DSG2: variants seen among roughly 807,000 people sequenced by gnomAD.
DSG2 encodes the protein desmoglein 2.
In DSG2, 45 loss-of-function variants were observed where a neutral mutation model predicts 75.6. That is an observed-to-expected ratio of 0.60 (90% CI 0.47 to 0.76). The LOEUF (loss-of-function observed/expected upper bound fraction) is 0.76. Ranked by LOEUF, DSG2 falls within the 30% of genes least tolerant of loss-of-function variation. DSG2 has a pLI of 0.00. For synonymous variants in DSG2, 429 were observed against 483.9 expected, an observed-to-expected ratio of 0.89 and a Z score of 1.49; for missense variants, 1,267 against 1,357.4, an observed-to-expected ratio of 0.93 and a Z score of 1.05.
At chr18:31,501,331 T>C (rs2073012543) in intron 1 of DSG2, among the ~76,000 whole-genome samples, 1 of 152,226 alleles carries the variant, frequency 6.6e-6, no homozygotes, top group Non-Finnish European at 1.5e-5. Context: ...TGCTTTAAAA[T>C]CAAACTACAT....
chr18:31,545,271 G>A (rs1277565850), intron 14 of DSG2, among the ~76,000 whole-genome samples: 1 of 152,114 alleles, frequency 6.6e-6, no homozygotes, highest in Non-Finnish European at 1.5e-5. Flanking sequence ...TGCCACATTT[G>A]CTATTTGCTT....
intron 1 of DSG2, among the ~76,000 whole-genome samples, chr18:31,503,398 A>G (rs2073023682): frequency 6.6e-6 from 1 of 152,198 alleles, no homozygotes; most frequent in South Asian, 2.1e-4. Context: ...AGGTAGAGAG[A>G]AGAGCATCTA....
rs1277314098 is a variant in DSG2 at position 31,505,845 on chromosome 18, AG to A, written c.45+7550del. Among the ~76,000 whole-genome samples, 13 of 152,088 alleles carry A rather than the reference AG, an allele frequency of 8.5e-5. No homozygotes were observed. In the East Asian group the frequency reaches 1.5e-3, roughly 18 times the overall value. On this transcript the variant is annotated intron_variant, in intron 1 of 14. Coordinates refer to ENST00000261590, the MANE Select transcript of DSG2 (RefSeq NM_001943.5). ...CCCATCTAATTTTTGTATTTTTAGT[AG>A]AGACAGAGTTTCACCATGTTGGCCA... is the stretch of plus-strand genomic sequence containing the variant.
rs1300262799 is a variant in DSG2 at position 31,542,699 on chromosome 18, T to C, written c.2181T>C (p.Gly727=). ...AAGAACACAGAAGCCTGCTTTCTGGTAGAGCTACCCAGTTTACAGGGGCCA... is the reference window on the plus strand; with the variant it reads ...AAGAACACAGAAGCCTGCTTTCTGGCAGAGCTACCCAGTTTACAGGGGCCA... ...RWEEHRSLLS[G]RATQFTGATG... is the part of the protein sequence containing the mutation. The change falls in exon 14 of 15, where the codon GGT becomes GGC. Residue 727 remains glycine, a synonymous_variant. Transcript: ENST00000261590. 1 of 1,614,024 alleles carries C rather than the reference T, an allele frequency of 6.2e-7. No homozygotes were observed. The highest frequency in any genetic ancestry group is 1.3e-5 in the African/African-American group (1 of 74,910).
intron 1 of DSG2, among the ~76,000 whole-genome samples, chr18:31,500,036 TAAAAA>T (rs10625787): frequency 1.8e-5 from 2 of 110,994 alleles, no homozygotes; most frequent in African/African-American, 3.3e-5. Context: ...AGTTTTTTGG[TAAAAA>T]AAAAAAAAAA....
At chr18:31,499,981 G>T (rs2073005478) in intron 1 of DSG2, among the ~76,000 whole-genome samples, 1 of 147,178 alleles carries the variant, frequency 6.8e-6, no homozygotes, top group South Asian at 2.2e-4. Context: ...TGTCCAGAGA[G>T]TAGTGGGCAA....
At chr18:31,529,325 T>C (rs2073180898) in intron 8 of DSG2, among the ~76,000 whole-genome samples, 1 of 152,186 alleles carries the variant, frequency 6.6e-6, no homozygotes, top group South Asian at 2.1e-4. Context: ...CTAGCTTTTA[T>C]TTATTTATTT....
chr18:31,534,056 T>A (rs1377030367), intron 9 of DSG2, among the ~76,000 whole-genome samples: 4 of 149,986 alleles, frequency 2.7e-5, no homozygotes, highest in African/African-American at 7.4e-5. Context: ...AGTGGCACGA[T>A]CTCGGCTTAC....
chr18:31,516,141 G>T (rs2073093023), intron 1 of DSG2, among the ~76,000 whole-genome samples: 1 of 149,350 alleles, frequency 6.7e-6, no homozygotes, highest in Non-Finnish European at 1.5e-5. Context: ...GAGGGATCTG[G>T]TTTTTTTTTT....
rs727502985 is a variant in DSG2, at chr18:31,524,463, A to C, written c.706A>C (p.Thr236Pro). Residue 236 changes from threonine (T) to proline (P), a missense_variant, in exon 7 of 15, where the codon ACT (threonine) becomes CCT (proline). Coordinates refer to ENST00000261590, the MANE Select transcript of DSG2 (RefSeq NM_001943.5). ...TLDREEHSSY[T>P]LTVEARDGNG... ...TGCTCTGCAGGAACACAGCAGCTACACTTTGACAGTAGAAGCAAGAGATGG... is the reference window on the plus strand; with the variant it reads ...TGCTCTGCAGGAACACAGCAGCTACCCTTTGACAGTAGAAGCAAGAGATGG... 1.2e-6 allele frequency: 2 copies of C among 1,614,186 alleles called. No individual in the cohort carries two copies. The highest frequency in any genetic ancestry group is 2.2e-5 in the South Asian group (2 of 91,088).
chr18:31,531,753 A>T (rs1598816887), intron 9 of DSG2, among the ~76,000 whole-genome samples: 2 of 152,194 alleles, frequency 1.3e-5, no homozygotes, highest in South Asian at 4.1e-4. Flanking sequence ...TACACTGTTT[A>T]TGTTTGTCTT....
At chr18:31,518,300 GC>G in intron 2 of DSG2, 26 bp downstream of exon 2, 1 of 1,602,264 alleles carries the variant, frequency 6.2e-7, no homozygotes, top group Non-Finnish European at 8.6e-7. Context: ...GATTATTTCT[GC>G]CTTCTGACTC....
chr18:31,533,405 G>A (rs1281274886), intron 9 of DSG2, among the ~76,000 whole-genome samples: 1 of 152,188 alleles, frequency 6.6e-6, no homozygotes, highest in Non-Finnish European at 1.5e-5. Flanking sequence ...AAGCCTAGGA[G>A]TTCAAGGTTC....
At position 31,542,579 on chromosome 18, in the gene DSG2, A is replaced by G; in HGVS notation, c.2061A>G (p.Val687=). The G allele has an allele frequency of 3.1e-6, 5 of 1,614,144 alleles. No individual in the cohort carries two copies. The highest frequency in any genetic ancestry group is 4.2e-6 in the Non-Finnish European group (5 of 1,180,008). Residue 687 remains valine, a synonymous_variant, in exon 14 of 15, where the codon GTA becomes GTG. Transcript: ENST00000261590. ...GCAGTCTAGTAGGAAGAAATGGAGTAGGAGGTATGGCCAAGGAAGCCACGA... is the reference window on the plus strand; with the variant it reads ...GCAGTCTAGTAGGAAGAAATGGAGTGGGAGGTATGGCCAAGGAAGCCACGA... ...QGGSLVGRNG[V]GGMAKEATMK...
Position 31,546,548 on chromosome 18 carries a change from T to A in DSG2, c.3162T>A (p.Ala1054=). ...VTVTERVLAP[A]STLQSSYQIP... Reference sequence around the variant, plus strand: ...TGACAGAAAGAGTTCTAGCACCTGCTTCCACTCTGCAATCCAGTTACCAGA... The same window carrying A: ...TGACAGAAAGAGTTCTAGCACCTGCATCCACTCTGCAATCCAGTTACCAGA... Residue 1054 remains alanine (A), a synonymous_variant, in exon 15 of 15, where the codon GCT becomes GCA. Coordinates refer to ENST00000261590, the MANE Select transcript of DSG2 (RefSeq NM_001943.5). 6.2e-7 allele frequency: 1 copy of A among 1,614,172 alleles called. No individual in the cohort carries two copies. The highest frequency in any genetic ancestry group is 8.5e-7 in the Non-Finnish European group (1 of 1,180,014).
intron 8 of DSG2, 81 bp from the exon 9 acceptor site, chr18:31,530,906 A>G (rs2073192575): frequency 7.0e-7 from 1 of 1,419,070 alleles, no homozygotes; most frequent in Non-Finnish European, 9.8e-7. Context: ...ATCTAACATT[A>G]AAACCACACA....
intron 6 of DSG2, among the ~76,000 whole-genome samples, chr18:31,523,124 G>A (rs9951860): frequency 0.15 from 22,261 of 152,122 alleles, 2,076 homozygotes; most frequent in African/African-American, 0.27. Flanking sequence ...ATGATTGGCC[G>A]GGCGTGGTGG....
chr18:31,531,062 A>T lies in DSG2; in HGVS notation c.1090A>T (p.Ile364Phe), dbSNP rs780014639. ...VANKAAFHKS[I>F]RSKYKPTPIP... ...TAATAAAGCAGCTTTTCACAAGTCG[A>T]TTAGGAGTAAATACAAGCCTACACC... Residue 364 changes from isoleucine (I) to phenylalanine (F), a missense_variant, in exon 9 of 15, where the codon ATT (isoleucine) becomes TTT (phenylalanine). Coordinates refer to ENST00000261590, the MANE Select transcript of DSG2 (RefSeq NM_001943.5). 6.2e-7 allele frequency: 1 copy of T among 1,614,140 alleles called. No individual in the cohort carries two copies. Among genetic ancestry groups the T allele is most frequent in the Non-Finnish European group, 8.5e-7 (1 of 1,180,000 alleles).
At position 31,547,260 on chromosome 18, in the gene DSG2, T is replaced by A. The variant is rs1352034472; in HGVS notation, c.*517T>A. 1 of 223,038 alleles carries A rather than the reference T, an allele frequency of 4.5e-6. No homozygotes were observed. Among genetic ancestry groups the A allele is most frequent in the Non-Finnish European group, 8.9e-6 (1 of 112,012 alleles). The allele number at this position is 223,038 out of a possible 1,614,324, so 13.8% of individuals were successfully genotyped here. ...ATGGTGCTCATAACTTCTTTAAGAC[T>A]TGAACCCTTTCAATCTGTGTGATTC... On this transcript the variant is annotated 3_prime_UTR_variant, in exon 15 of 15. Transcript: ENST00000261590.
Sources: allele counts gnomAD v4.1 joint callset (sites outside exome capture counted in the v4.1 genomes callset), GRCh38; gene constraint gnomAD v4.1.1; transcripts MANE v1.5; gene names NCBI Gene and HGNC (gene_info 2026-07-23, HGNC 2026-07-21).